Variants in ITGBL1 observed in about 807,000 individuals in gnomAD.
ITGBL1 encodes the protein integrin beta-like protein 1.
Under a neutral mutation model 68.5 loss-of-function variants are expected in ITGBL1, and 51 were observed. The observed-to-expected ratio is 0.74, with a 90% CI of 0.59 to 0.94. The LOEUF is 0.94. Ranked by LOEUF, ITGBL1 falls within the 40% of genes least tolerant of loss-of-function variation. ITGBL1 has a pLI of 0.00. For missense variants in ITGBL1, 649 were observed against 647.4 expected (o/e 1.00, Z -0.03); for synonymous variants, 209 against 227.3 (o/e 0.92, Z 0.72).
At chr13:101,628,599 A>ATTTT (rs34600896) in intron 7 of ITGBL1, among the ~76,000 whole-genome samples, 4,312 of 140,652 alleles carry the variant, frequency 0.031, 246 homozygotes, top group African/African-American at 0.11. Context: ...TACCCAGCTA[A>ATTTT]TTTTTTTTTT....
intron 2 of ITGBL1, among the ~76,000 whole-genome samples, chr13:101,511,334 A>C (rs1031252299): frequency 2.6e-5 from 4 of 152,070 alleles, no homozygotes; most frequent in Admixed American, 2.6e-4. Flanking sequence ...TGTGGCACAC[A>C]CCCCTAAGGA....
At chr13:101,625,827 T>C (rs1002834046) in intron 7 of ITGBL1, among the ~76,000 whole-genome samples, 3 of 152,200 alleles carry the variant, frequency 2.0e-5, no homozygotes, top group African/African-American at 7.2e-5. Flanking sequence ...GTTCTGGGAT[T>C]ACAGGCGTGA....
chr13:101,503,017 C>CA, intron 2 of ITGBL1, among the ~76,000 whole-genome samples: 1 of 152,220 alleles, frequency 6.6e-6, no homozygotes, highest in African/African-American at 2.4e-5. Context: ...TATGTGTACC[C>CA]AATAAAATGG....
intron 7 of ITGBL1, among the ~76,000 whole-genome samples, chr13:101,619,899 G>A (rs1401143407): frequency 6.6e-6 from 1 of 152,070 alleles, no homozygotes; most frequent in Non-Finnish European, 1.5e-5. Flanking sequence ...GTCTTAAAAT[G>A]AAACCAGTCC....
intron 2 of ITGBL1, among the ~76,000 whole-genome samples, chr13:101,545,121 A>G (rs545190316): frequency 1.3e-5 from 2 of 152,084 alleles, no homozygotes; most frequent in Non-Finnish European, 2.9e-5. Context: ...GAAATGCAAA[A>G]ATCGCCCATC....
intron 2 of ITGBL1, among the ~76,000 whole-genome samples, chr13:101,472,404 ATTACT>A (rs2048474562): frequency 1.3e-5 from 2 of 152,186 alleles, no homozygotes; most frequent in Non-Finnish European, 2.9e-5. Flanking sequence ...GTTTTGTTAC[ATTACT>A]TTAATTTTCG....
intron 2 of ITGBL1, among the ~76,000 whole-genome samples, chr13:101,532,296 A>G (rs746559071): frequency 6.6e-5 from 10 of 152,216 alleles, no homozygotes; most frequent in Non-Finnish European, 1.5e-5. Context: ...ACCTGCACAG[A>G]GTAAATATTC....
chr13:101,590,785 A>T (rs2050638637), intron 6 of ITGBL1, among the ~76,000 whole-genome samples: 1 of 152,198 alleles, frequency 6.6e-6, no homozygotes, highest in South Asian at 2.1e-4. Context: ...CTGTACTTTA[A>T]ATGTGAAATA....
intron 7 of ITGBL1, among the ~76,000 whole-genome samples, chr13:101,605,992 G>A (rs973431335): frequency 2.8e-5 from 4 of 144,768 alleles, no homozygotes; most frequent in Admixed American, 1.4e-4. Context: ...GTATATATAT[G>A]TGTATATATA....
At chr13:101,719,318 G>C (rs1406078078), downstream of ITGBL1, 1 of 152,010 alleles carries the variant, frequency 6.6e-6, no homozygotes, top group Non-Finnish European at 1.5e-5. Context: ...ACTTCTGCTT[G>C]CTCCCCAAGA....
At chr13:101,591,151 C>T (rs148615163) in intron 6 of ITGBL1, among the ~76,000 whole-genome samples, 1 of 152,318 alleles carries the variant, frequency 6.6e-6, no homozygotes, top group Non-Finnish European at 1.5e-5. Context: ...TATCTACCTG[C>T]CTTGGCCTTC....
intron 3 of ITGBL1, among the ~76,000 whole-genome samples, chr13:101,575,209 A>G (rs1001815193): frequency 1.3e-5 from 2 of 152,128 alleles, no homozygotes; most frequent in African/African-American, 4.8e-5. Flanking sequence ...AGAGGTCAAT[A>G]ATAATAGTTG....
intron 2 of ITGBL1, among the ~76,000 whole-genome samples, chr13:101,524,290 T>C (rs1292806387): frequency 6.6e-6 from 1 of 152,060 alleles, no homozygotes; most frequent in East Asian, 1.9e-4. Flanking sequence ...TGCTTCAGAT[T>C]CTATATAATC....
chr13:101,612,756 G>A (rs2031192618), intron 7 of ITGBL1, among the ~76,000 whole-genome samples: 1 of 152,150 alleles, frequency 6.6e-6, no homozygotes, highest in Non-Finnish European at 1.5e-5. Flanking sequence ...GGGTATGACA[G>A]GGTGAGCACA....
At chr13:101,547,886 T>A (rs185391602) in intron 2 of ITGBL1, among the ~76,000 whole-genome samples, 1 of 149,998 alleles carries the variant, frequency 6.7e-6, no homozygotes, top group Admixed American at 6.6e-5. Flanking sequence ...ACATTAAATA[T>A]GTGTATATAT....
intron 9 of ITGBL1, 63 bp from the exon 10 acceptor site, chr13:101,714,375 T>G (rs2034619722): frequency 1.1e-6 from 1 of 943,762 alleles, no homozygotes; most frequent in South Asian, 1.3e-5. Context: ...TCAACGATAT[T>G]CTATTCGAGA....
At chr13:101,554,115 A>G (rs1429695744) in intron 2 of ITGBL1, among the ~76,000 whole-genome samples, 1 of 152,144 alleles carries the variant, frequency 6.6e-6, no homozygotes, top group Non-Finnish European at 1.5e-5. Flanking sequence ...GTCATATCAG[A>G]TTAAGGGCCC....
chr13:101,627,215 A>T (rs530897558), intron 7 of ITGBL1, among the ~76,000 whole-genome samples: 6 of 152,136 alleles, frequency 3.9e-5, no homozygotes, highest in African/African-American at 1.4e-4. Flanking sequence ...TATATTTCTT[A>T]CAAGTTTTTT....
intron 2 of ITGBL1, among the ~76,000 whole-genome samples, chr13:101,492,011 T>C (rs966743505): frequency 3.9e-5 from 6 of 152,210 alleles, no homozygotes; most frequent in African/African-American, 1.2e-4. Context: ...ATGTGCCATA[T>C]TTTCTATATC....
Sources: gnomAD v4.1 joint callset for allele counts (sites outside exome capture counted in the v4.1 genomes callset) on GRCh38, gnomAD v4.1.1 for gene constraint, MANE v1.5 for transcripts, NCBI Gene and HGNC (gene_info 2026-07-23, HGNC 2026-07-21) for gene names.